IMMT: variants seen among roughly 807,000 people sequenced by gnomAD.
IMMT encodes the protein MICOS complex subunit MIC60.
A neutral mutation model predicts 92.7 loss-of-function variants in IMMT; 40 were observed. The ratio of observed to expected loss-of-function variants is 0.43; its 90% CI spans 0.34 to 0.56. The LOEUF (loss-of-function observed/expected upper bound fraction) is 0.56, where lower values mean the gene tolerates loss of function less well. IMMT is among the 20% of genes least tolerant of loss of function. IMMT has a pLI of 0.03. For synonymous variants in IMMT, 322 were observed against 336.1 expected (o/e 0.96, Z 0.46); for missense variants, 831 against 912.1 (o/e 0.91, Z 1.14).
intron 2 of IMMT, among the ~76,000 whole-genome samples, chr2:86,180,275 T>C (rs1225532629): frequency 3.3e-5 from 5 of 152,086 alleles, no homozygotes; most frequent in African/African-American, 1.2e-4. Context: ...TTTTTTTTAT[T>C]TTTTCTTGAG....
intron 11 of IMMT, among the ~76,000 whole-genome samples, chr2:86,152,002 C>T (rs1474659406): frequency 6.6e-6 from 1 of 152,174 alleles, no homozygotes; most frequent in Non-Finnish European, 1.5e-5. Context: ...TAGATTAAAT[C>T]CCAACACAGC....
At chr2:86,191,287 G>C (rs1673097837) in intron 1 of IMMT, among the ~76,000 whole-genome samples, 1 of 150,562 alleles carries the variant, frequency 6.6e-6, no homozygotes, top group Admixed American at 6.6e-5. Flanking sequence ...GGAGGTTGTA[G>C]TGAGCTGAGA....
chr2:86,159,743 A>G, intron 8 of IMMT, 72 bp from the exon 9 acceptor site: 2 of 1,295,614 alleles, frequency 1.5e-6, no homozygotes, highest in Non-Finnish European at 2.1e-6. Flanking sequence ...ATGTCAGCAC[A>G]GTATATAATT....
chr2:86,148,930 G>A (rs1443331895), intron 12 of IMMT, among the ~76,000 whole-genome samples: 10 of 152,164 alleles, frequency 6.6e-5, no homozygotes, highest in African/African-American at 1.4e-4. Context: ...CTATCTGTAC[G>A]GATCCAATGG....
chr2:86,153,917 CA>C (rs1675665086), intron 10 of IMMT, among the ~76,000 whole-genome samples: 2 of 152,166 alleles, frequency 1.3e-5, no homozygotes, highest in Admixed American at 6.5e-5. Context: ...GCCTGGAGTG[CA>C]GTGGTACAAT....
intron 1 of IMMT, among the ~76,000 whole-genome samples, chr2:86,184,728 TAAAGA>T (rs780159211): frequency 8.5e-5 from 12 of 141,422 alleles, no homozygotes; most frequent in Non-Finnish European, 1.7e-4. Context: ...GGTGAGGGCT[TAAAGA>T]AAAGCAAAAA....
intron 13 of IMMT, among the ~76,000 whole-genome samples, chr2:86,147,197 T>TA (rs924848903): frequency 2.0e-5 from 3 of 152,250 alleles, no homozygotes; most frequent in Non-Finnish European, 4.4e-5. Flanking sequence ...AAATAGAATT[T>TA]AAAATACCTT....
rs199617988 is a variant in IMMT at position 86,182,874 on chromosome 2, AC to A, written c.46-1503del. Among the ~76,000 whole-genome samples, 31 of 151,756 alleles carry A rather than the reference AC, an allele frequency of 2.0e-4. 1 individual carries two copies. Among genetic ancestry groups the A allele is most frequent in the South Asian group, 6.2e-4 (3 of 4,806 alleles). On this transcript the variant is annotated intron_variant, in intron 1 of 14. Coordinates refer to ENST00000410111, the MANE Select transcript of IMMT (RefSeq NM_006839.3). ...TCCTCCACTCCCCTTAAAAAAAAAA[AC>A]AAAAACAAAAACAAAAAATACCAAA...
chr2:86,174,164 GAAAATACA>G (rs938559303), intron 3 of IMMT, among the ~76,000 whole-genome samples: 13 of 152,190 alleles, frequency 8.5e-5, no homozygotes, highest in Non-Finnish European at 1.6e-4. Context: ...GGCTCTGAGT[GAAAATACA>G]AATGAATTTT....
chr2:86,148,666 T>C (rs879462417), intron 12 of IMMT, among the ~76,000 whole-genome samples: 6 of 152,058 alleles, frequency 3.9e-5, no homozygotes, highest in Non-Finnish European at 5.9e-5. Context: ...TGACATAGAC[T>C]TGACATAGAC....
intron 3 of IMMT, among the ~76,000 whole-genome samples, chr2:86,176,360 G>C (rs1320716534): frequency 6.6e-6 from 1 of 152,156 alleles, no homozygotes; most frequent in East Asian, 1.9e-4. Context: ...TTAATATAAG[G>C]ATGACCCAGA....
chr2:86,182,881 C>A (rs1159648011), intron 1 of IMMT, among the ~76,000 whole-genome samples: 2 of 150,418 alleles, frequency 1.3e-5, no homozygotes, highest in Non-Finnish European at 3.0e-5. Flanking sequence ...AAAACAAAAA[C>A]AAAAACAAAA....
chr2:86,166,761 CAAAATACAT>C, intron 6 of IMMT, 117 bp from the exon 7 acceptor site: 2 of 986,098 alleles, frequency 2.0e-6, no homozygotes, highest in Non-Finnish European at 2.9e-6. Flanking sequence ...TAAAAAGGAA[CAAAATACAT>C]GAGACTCAAA....
At chr2:86,182,988 T>C (rs1279991141) in intron 1 of IMMT, among the ~76,000 whole-genome samples, 1 of 152,236 alleles carries the variant, frequency 6.6e-6, no homozygotes, top group African/African-American at 2.4e-5. Context: ...AAAGGGTGTT[T>C]TCCTTCTATT....
At chr2:86,157,362 A>T (rs888620134) in intron 10 of IMMT, among the ~76,000 whole-genome samples, 1 of 152,196 alleles carries the variant, frequency 6.6e-6, no homozygotes, top group African/African-American at 2.4e-5. Flanking sequence ...AATGATTATA[A>T]ATCCCTGCAC....
intron 1 of IMMT, among the ~76,000 whole-genome samples, chr2:86,181,672 T>C (rs1672445124): frequency 6.6e-6 from 1 of 152,130 alleles, no homozygotes; most frequent in Non-Finnish European, 1.5e-5. Flanking sequence ...ATACAATTGG[T>C]ATTTGCTATA....
In IMMT at chr2:86,144,645, G is replaced by A. The variant is rs773602497; in HGVS notation, c.1900C>T (p.Arg634Cys). 6 of 1,613,910 alleles carry A rather than the reference G, an allele frequency of 3.7e-6. No homozygotes were observed. Among genetic ancestry groups the A allele is most frequent in the Admixed American group, 3.3e-5 (2 of 60,010 alleles). Reference sequence around the variant, plus strand: ...GCCAGTTTTTGAACAGCATAGAAACGGGCTCTAAGGGTCTCTTCACTGTAC... The same window carrying A: ...GCCAGTTTTTGAACAGCATAGAAACAGGCTCTAAGGGTCTCTTCACTGTAC... ...GVYSEETLRA[R>C]FYAVQKLARR... is the part of the protein sequence containing the mutation. Residue 634 changes from arginine to cysteine, a missense_variant, in exon 15 of 15, where the codon CGT becomes TGT. Physicochemically the swap from Arg to Cys is radical, Grantham distance 180 (BLOSUM62 -3). Transcript: ENST00000410111.
At position 86,147,814 on chromosome 2, in the gene IMMT, G is replaced by T. The variant is rs757834121; in HGVS notation, c.1421C>A (p.Ala474Asp). 6.2e-7 allele frequency: 1 copy of T among 1,613,660 alleles called. No individual in the cohort carries two copies. The highest frequency in any genetic ancestry group is 8.5e-7 in the Non-Finnish European group (1 of 1,179,746). Reference protein sequence around the residue: ...QDRKIEEVRDAMENEMRTQLR... With the variant: ...QDRKIEEVRDDMENEMRTQLR... ...CTGGGTTCTCATTTCATTTTCCATG[G>T]CATCTCTGACTTCTTCTATCTGTGA... Residue 474 changes from alanine to aspartate, a missense_variant, in exon 13 of 15, where the codon GCC (alanine) becomes GAC (aspartate). By Grantham distance (126) the Ala-to-Asp change is moderately radical. Coordinates refer to ENST00000410111, the MANE Select transcript of IMMT (RefSeq NM_006839.3).
At chr2:86,150,810 G>A (rs142935275) in intron 12 of IMMT, among the ~76,000 whole-genome samples, 79 of 152,162 alleles carry the variant, frequency 5.2e-4, no homozygotes, top group African/African-American at 1.8e-3. Context: ...AACTCTGCTC[G>A]ATCACTCCTT....
Sources: gnomAD v4.1 joint callset for allele counts (sites outside exome capture counted in the v4.1 genomes callset) on GRCh38, gnomAD v4.1.1 for gene constraint, MANE v1.5 for transcripts, NCBI Gene and HGNC (gene_info 2026-07-23, HGNC 2026-07-21) for gene names.